Variants in RANBP10 observed in about 807,000 individuals in gnomAD.
RANBP10 encodes the protein RAN binding protein 10.
Under a neutral mutation model 72.8 loss-of-function variants are expected in RANBP10, and 24 were observed. The ratio of observed to expected loss-of-function variants is 0.33; its 90% CI spans 0.24 to 0.46. The LOEUF is 0.46. RANBP10 is among the 20% of genes least tolerant of loss of function. RANBP10 has a pLI of 1.00. For missense variants in RANBP10, 679 were observed against 817.5 expected, an observed-to-expected ratio of 0.83 and a Z score of 2.07; for synonymous variants, 310 against 322.3, an observed-to-expected ratio of 0.96 and a Z score of 0.41.
Position 67,730,465 on chromosome 16 carries a change from A to G in RANBP10, c.890-419T>C, listed in dbSNP as rs1355649108. On this transcript the variant is annotated intron_variant, in intron 7 of 13. Coordinates refer to ENST00000317506, the MANE Select transcript of RANBP10 (RefSeq NM_020850.3). The surrounding 1 kb of genome is among the most constrained non-coding windows in gnomAD (Gnocchi z 4.3). ...CTCTCCTTCCAGGCCTCACAGGGGA[A>G]TGGCAATGGAATCACACTGGTTTCT... 6.6e-6 allele frequency among the ~76,000 whole-genome samples: 1 copy of G among 152,126 alleles called. No homozygotes were observed. Among genetic ancestry groups the G allele is most frequent in the African/African-American group, 2.4e-5 (1 of 41,442 alleles).
chr16:67,783,145 C>A (rs939599845), intron 2 of RANBP10, among the ~76,000 whole-genome samples: 6 of 152,142 alleles, frequency 3.9e-5, no homozygotes, highest in African/African-American at 1.4e-4. Flanking sequence ...TCACATGGCA[C>A]CTAGTATGTC....
intron 2 of RANBP10, among the ~76,000 whole-genome samples, chr16:67,777,189 T>C (rs1427030746): frequency 6.9e-6 from 1 of 144,534 alleles, no homozygotes; most frequent in East Asian, 2.1e-4. Flanking sequence ...TAGCCTGGGG[T>C]ACAAGAGCGA....
At chr16:67,778,005 G>A (rs1167840215) in intron 2 of RANBP10, among the ~76,000 whole-genome samples, 1 of 152,166 alleles carries the variant, frequency 6.6e-6, no homozygotes, top group African/African-American at 2.4e-5. Flanking sequence ...ATGGGGAAAT[G>A]ACAGTTTTTT....
Position 67,730,404 on chromosome 16 carries a change from C to T in RANBP10, c.890-358G>A, listed in dbSNP as rs1376375419. Among the ~76,000 whole-genome samples the T allele has an allele frequency of 6.6e-6, 1 of 152,140 alleles. No individual in the cohort carries two copies. The highest frequency in any genetic ancestry group is 1.9e-4 in the East Asian group (1 of 5,172). ...GATCTGGGGATGGGCACCCAGGCAG[C>T]TTGGCGGCCTGAGTGGCTCCTCTTC... is the stretch of plus-strand genomic sequence containing the variant. On this transcript the variant is annotated intron_variant, in intron 7 of 13. Transcript: ENST00000317506. This position sits in a 1 kb window ranked among gnomAD's most constrained non-coding sequence, Gnocchi z 4.3.
chr16:67,785,415 CTTAA>C (rs2054897224), intron 2 of RANBP10, among the ~76,000 whole-genome samples: 1 of 151,942 alleles, frequency 6.6e-6, no homozygotes, highest in African/African-American at 2.4e-5. Context: ...ATGAATTGGA[CTTAA>C]TTAATATTAA....
chr16:67,729,690 C>A lies in RANBP10; in HGVS notation c.1137G>T (p.Met379Ile). The change falls in exon 9 of 14, where the codon ATG becomes ATT. Residue 379 changes from methionine (M) to isoleucine (I), a missense_variant. Transcript: ENST00000317506. The surrounding 1 kb of genome is among the most constrained non-coding windows in gnomAD (Gnocchi z 7.1). ...SPRHGPSSSH[M>I]HNTGADSPSC... Reference sequence around the variant, plus strand: ...TGGAGAGTGGCTGACCTGTGTTGTGCATGTGGGAACTACTGGGGCCATGTC... The same window carrying A: ...TGGAGAGTGGCTGACCTGTGTTGTGAATGTGGGAACTACTGGGGCCATGTC... 6.2e-7 allele frequency: 1 copy of A among 1,611,586 alleles called. No individual in the cohort carries two copies. The highest frequency in any genetic ancestry group is 1.1e-5 in the South Asian group (1 of 90,684).
At chr16:67,727,523 C>CT in intron 12 of RANBP10, 85 bp from the exon 13 acceptor site, 1 of 1,376,566 alleles carries the variant, frequency 7.3e-7, no homozygotes, top group Non-Finnish European at 1.0e-6. Context: ...AGACAGGGCC[C>CT]TGCATGATGC....
chr16:67,771,138 T>C (rs1014658259), intron 3 of RANBP10, among the ~76,000 whole-genome samples: 2 of 151,708 alleles, frequency 1.3e-5, no homozygotes, highest in Admixed American at 1.3e-4. Flanking sequence ...GATGAGCTCC[T>C]GTGGTCCCAG....
chr16:67,734,683 G>C (rs1037261874), intron 6 of RANBP10, among the ~76,000 whole-genome samples, 175 bp downstream of exon 6: 1 of 152,218 alleles, frequency 6.6e-6, no homozygotes, highest in Admixed American at 6.5e-5. Context: ...GGTGGGAGCT[G>C]TCCATCCGAC....
chr16:67,804,328 T>C (rs1178673850), intron 2 of RANBP10, among the ~76,000 whole-genome samples: 1 of 151,898 alleles, frequency 6.6e-6, no homozygotes, highest in Non-Finnish European at 1.5e-5. Flanking sequence ...AGAAAAAAAA[T>C]TAAGTATCTC....
intron 2 of RANBP10, among the ~76,000 whole-genome samples, chr16:67,797,927 C>T (rs975253550): frequency 4.7e-5 from 7 of 147,756 alleles, no homozygotes; most frequent in African/African-American, 1.8e-4. Flanking sequence ...GAGGTCGAGG[C>T]TGCAGTGAGC....
At position 67,772,027 on chromosome 16, in the gene RANBP10, G is replaced by T; in HGVS notation, c.400+7C>A. 1 of 1,601,078 alleles carries T rather than the reference G, an allele frequency of 6.2e-7. No homozygotes were observed. The highest frequency in any genetic ancestry group is 1.1e-5 in the South Asian group (1 of 90,312). On this transcript the variant is annotated splice_region_variant and intron_variant, in intron 3 of 13. Transcript: ENST00000317506. ...CAGAACAAATGTTCTCTTAAACAGT[G>T]ACTCACCAGGAAGTCTGTTCATGTT...
intron 4 of RANBP10, among the ~76,000 whole-genome samples, chr16:67,742,678 T>C (rs960957914): frequency 6.6e-6 from 1 of 152,060 alleles, no homozygotes. Context: ...GAGGGAACAG[T>C]AGAGTCTGCC....
intron 2 of RANBP10, among the ~76,000 whole-genome samples, chr16:67,804,052 T>G: frequency 6.6e-6 from 1 of 151,900 alleles, no homozygotes; most frequent in Non-Finnish European, 1.5e-5. Flanking sequence ...AGGCTCTGAC[T>G]CTGGCAGTGT....
intron 2 of RANBP10, among the ~76,000 whole-genome samples, chr16:67,795,267 C>T (rs1049970156): frequency 1.3e-5 from 2 of 150,476 alleles, no homozygotes; most frequent in Non-Finnish European, 3.0e-5. Flanking sequence ...AGGCTGGGTG[C>T]GGTGGTCCAC....
chr16:67,783,991 C>A (rs1002825351), intron 2 of RANBP10, among the ~76,000 whole-genome samples: 1 of 135,604 alleles, frequency 7.4e-6, no homozygotes, highest in East Asian at 2.3e-4. Context: ...TGCAGTGAGC[C>A]AAGATGGCGC....
chr16:67,746,821 T>A (rs538153835), intron 3 of RANBP10, among the ~76,000 whole-genome samples: 3 of 152,216 alleles, frequency 2.0e-5, no homozygotes, highest in Non-Finnish European at 4.4e-5. Flanking sequence ...CTTAGCACAA[T>A]GCATCTGCGA....
chr16:67,784,614 T>C (rs2054874884), intron 2 of RANBP10, among the ~76,000 whole-genome samples: 2 of 150,228 alleles, frequency 1.3e-5, no homozygotes, highest in Non-Finnish European at 3.0e-5. Flanking sequence ...CAAGATCGAG[T>C]CATTGCGCTC....
intron 2 of RANBP10, among the ~76,000 whole-genome samples, chr16:67,795,918 T>C (rs1219277494): frequency 8.7e-5 from 13 of 148,890 alleles, no homozygotes; most frequent in Admixed American, 8.7e-4. Context: ...TATTTTGATT[T>C]TTTTTTTTTT....
Sources: gnomAD v4.1 joint callset for allele counts (sites outside exome capture counted in the v4.1 genomes callset) on GRCh38, gnomAD v4.1.1 for gene constraint, Gnocchi (gnomAD v3.1) non-coding constraint, MANE v1.5 for transcripts, NCBI Gene and HGNC (gene_info 2026-07-23, HGNC 2026-07-21) for gene names.